Variants in RBFOX1 observed in about 807,000 individuals in gnomAD.
RBFOX1 encodes RNA binding fox-1 homolog 1.
RBFOX1 carries 8 observed loss-of-function variants against 57.7 expected under a neutral mutation model. That is an observed-to-expected ratio of 0.14 (90% CI 0.08 to 0.25). The LOEUF (loss-of-function observed/expected upper bound fraction) is 0.25, where lower values mean the gene tolerates loss of function less well. RBFOX1 is among the 10% of genes least tolerant of loss of function. RBFOX1 has a pLI of 1.00. For synonymous variants in RBFOX1, 326 were observed against 222.4 expected (o/e 1.47, Z -4.15); for missense variants, 611 against 548.5 (o/e 1.11, Z -1.14).
rs2096795132 is a variant in RBFOX1 at position 6,540,286 on chromosome 16, G to A, written c.-63-114317G>A. Among the ~76,000 whole-genome samples, 5 of 148,112 alleles carry A rather than the reference G, an allele frequency of 3.4e-5. No individual in the cohort carries two copies. In the South Asian group the frequency reaches 1.1e-3, roughly 33 times the overall value. On this transcript the variant is annotated intron_variant, in intron 2 of 15. Transcript: ENST00000550418. ...CTCAATTGTTCTTTATTCGTAGATA[G>A]CCATCATATAAGCTGGCTGGCTGTA...
intron 1 of RBFOX1, among the ~76,000 whole-genome samples, chr16:6,127,451 G>C (rs899347117): frequency 6.6e-6 from 1 of 152,138 alleles, no homozygotes; most frequent in African/African-American, 2.4e-5. Context: ...ACGTAGGCAA[G>C]GCAGGGATTT....
chr16:5,933,609 T>C (rs2059112379), intron 4 of RBFOX1, among the ~76,000 whole-genome samples: 1 of 152,198 alleles, frequency 6.6e-6, no homozygotes, highest in African/African-American at 2.4e-5. Context: ...GTCTTGGGTC[T>C]AGCAGACCTT....
intron 4 of RBFOX1, among the ~76,000 whole-genome samples, chr16:7,272,763 A>C (rs1207878199): frequency 6.6e-6 from 1 of 152,114 alleles, no homozygotes; most frequent in African/African-American, 2.4e-5. Context: ...ACCTCTGAGG[A>C]GCATTCTCTT....
At chr16:7,362,838 A>G (rs1037625676) in intron 4 of RBFOX1, among the ~76,000 whole-genome samples, 3 of 152,156 alleles carry the variant, frequency 2.0e-5, no homozygotes, top group Non-Finnish European at 4.4e-5. Flanking sequence ...GGGTCAGAAG[A>G]CAGCATGTAC....
intron 4 of RBFOX1, among the ~76,000 whole-genome samples, chr16:7,396,876 GGTTGCAGTGAGCCTAGAAGA>G (rs2098147877): frequency 6.6e-6 from 1 of 152,192 alleles, no homozygotes; most frequent in African/African-American, 2.4e-5. Flanking sequence ...AGGAGACAGA[GGTTGCAGTGAGCCTAGAAGA>G]TGCCACTGCA....
chr16:7,012,911 C>G (rs1003719268), intron 3 of RBFOX1, among the ~76,000 whole-genome samples: 2 of 152,062 alleles, frequency 1.3e-5, no homozygotes, highest in South Asian at 2.1e-4. Context: ...ATCAGGGTGC[C>G]AAGATGGTCA....
intron 2 of RBFOX1, among the ~76,000 whole-genome samples, chr16:5,524,733 G>A (rs773906107): frequency 1.9e-4 from 29 of 151,932 alleles, no homozygotes; most frequent in African/African-American, 3.6e-4. Context: ...TAGAGACAGG[G>A]TTTCACCGTG....
At chr16:7,682,477 C>G (rs1209019347) in intron 14 of RBFOX1, among the ~76,000 whole-genome samples, 1 of 120,046 alleles carries the variant, frequency 8.3e-6, no homozygotes, top group Non-Finnish European at 1.9e-5. Flanking sequence ...CAATACGTGG[C>G]AAATAAGCCA....
At chr16:7,276,199 G>C (rs1056479844) in intron 4 of RBFOX1, among the ~76,000 whole-genome samples, 1 of 152,214 alleles carries the variant, frequency 6.6e-6, no homozygotes, top group Non-Finnish European at 1.5e-5. Flanking sequence ...TGAAGCTGCA[G>C]AGTGAAGCAG....
chr16:5,363,187 C>G (rs965212307), intron 1 of RBFOX1, among the ~76,000 whole-genome samples: 4 of 150,684 alleles, frequency 2.7e-5, no homozygotes, highest in Non-Finnish European at 1.5e-5. Flanking sequence ...GCATGTGCCA[C>G]AGCCCCTGGC....
At chr16:7,043,875 C>T (rs1029335232) in intron 3 of RBFOX1, among the ~76,000 whole-genome samples, 1 of 152,148 alleles carries the variant, frequency 6.6e-6, no homozygotes, top group African/African-American at 2.4e-5. Context: ...CCTGCCTTTC[C>T]TCTGAATATA....
intron 1 of RBFOX1, among the ~76,000 whole-genome samples, chr16:5,308,951 G>C (rs144481156): frequency 6.6e-6 from 1 of 152,190 alleles, no homozygotes; most frequent in East Asian, 1.9e-4. Flanking sequence ...GGGAGTTCTA[G>C]GTCTTAAGAC....
intron 2 of RBFOX1, among the ~76,000 whole-genome samples, chr16:6,403,662 C>T (rs2093167370): frequency 6.6e-6 from 1 of 152,194 alleles, no homozygotes; most frequent in Non-Finnish European, 1.5e-5. Context: ...ACATCAGAGA[C>T]ACTTCTGATG....
chr16:7,473,975 C>A (rs992508428), intron 4 of RBFOX1, among the ~76,000 whole-genome samples: 1 of 152,080 alleles, frequency 6.6e-6, no homozygotes, highest in Non-Finnish European at 1.5e-5. Context: ...ATTTAAAAAT[C>A]AATATTATCT....
chr16:7,052,760 C>A (rs904245962), intron 4 of RBFOX1, among the ~76,000 whole-genome samples: 6 of 152,112 alleles, frequency 3.9e-5, no homozygotes, highest in Admixed American at 6.6e-5. Flanking sequence ...AGTGGACATT[C>A]TTCTTGGTAT....
chr16:7,218,875 T>G (rs2092489326), intron 4 of RBFOX1, among the ~76,000 whole-genome samples: 2 of 152,084 alleles, frequency 1.3e-5, no homozygotes, highest in Admixed American at 1.3e-4. Flanking sequence ...CCCTCCAGCC[T>G]CGATGCATCG....
chr16:5,647,530 C>T (rs1479560737), intron 3 of RBFOX1, among the ~76,000 whole-genome samples: 1 of 152,140 alleles, frequency 6.6e-6, no homozygotes, highest in Non-Finnish European at 1.5e-5. Context: ...ACACAGTAGG[C>T]ACTGAGCAAA....
At chr16:6,141,351 G>T (rs536362491) in intron 1 of RBFOX1, among the ~76,000 whole-genome samples, 9 of 152,140 alleles carry the variant, frequency 5.9e-5, no homozygotes, top group African/African-American at 1.7e-4. Flanking sequence ...CTTTCTTTCA[G>T]ATCTCTGGGC....
intron 4 of RBFOX1, among the ~76,000 whole-genome samples, chr16:5,914,866 GC>G (rs1161347074): frequency 1.5e-4 from 23 of 152,042 alleles, no homozygotes; most frequent in Non-Finnish European, 2.8e-4. Context: ...CTGCACTCCA[GC>G]CTAGGCGACA....
Sources: allele counts gnomAD v4.1 joint callset (sites outside exome capture counted in the v4.1 genomes callset), GRCh38; gene constraint gnomAD v4.1.1; transcripts MANE v1.5; gene names NCBI Gene and HGNC (gene_info 2026-07-23, HGNC 2026-07-21).